The following WDPCP variants were observed in gnomAD, a reference collection of about 807,000 sequenced individuals.
The protein encoded by WDPCP is WD repeat containing planar cell polarity effector.
In WDPCP, 71 loss-of-function variants were observed where a neutral mutation model predicts 93.1. That is an observed-to-expected ratio of 0.76 (90% CI 0.63 to 0.93). WDPCP has a LOEUF of 0.93. WDPCP is among the 40% of genes least tolerant of loss of function. WDPCP has a pLI of 0.00. For missense variants in WDPCP, 844 were observed against 887.4 expected (o/e 0.95, Z 0.62); for synonymous variants, 315 against 315.0 (o/e 1.00, Z 0.00).
chr2:63,456,315 G>A (rs1390576118), intron 6 of WDPCP, among the ~76,000 whole-genome samples: 1 of 152,168 alleles, frequency 6.6e-6, no homozygotes, highest in African/African-American at 2.4e-5. Flanking sequence ...CACTTGGGAG[G>A]CTGAAGTGGG....
At chr2:63,325,905 CT>C (rs1239684508) in intron 12 of WDPCP, among the ~76,000 whole-genome samples, 1 of 152,170 alleles carries the variant, frequency 6.6e-6, no homozygotes, top group Admixed American at 6.5e-5. Context: ...ACGGATAGCT[CT>C]TGGAGTCCTT....
chr2:63,313,886 A>ATATATATATATAT, intron 12 of WDPCP, among the ~76,000 whole-genome samples: 27 of 74,458 alleles, frequency 3.6e-4, no homozygotes, highest in Non-Finnish European at 6.2e-4. Context: ...ATATATATAT[A>ATATATATATATAT]TTTTTTTTTT....
chr2:63,354,159 C>T (rs1447834760), intron 12 of WDPCP, among the ~76,000 whole-genome samples: 1 of 152,144 alleles, frequency 6.6e-6, no homozygotes, highest in Non-Finnish European at 1.5e-5. Context: ...AGAGGCCAGT[C>T]CGTCTCCCAC....
At chr2:63,179,806 T>C (rs907034933) in intron 14 of WDPCP, among the ~76,000 whole-genome samples, 2 of 152,206 alleles carry the variant, frequency 1.3e-5, no homozygotes, top group East Asian at 3.9e-4. Context: ...TTGTGGATTT[T>C]CCAGTTTTCC....
rs550359403 is a variant in WDPCP at position 63,659,118 on chromosome 2, T to C, written n.309-8280A>G. On this transcript the variant is annotated intron_variant and non_coding_transcript_variant, in intron 2 of 4. Coordinates refer to the WDPCP transcript ENST00000467687. ...AATCTAACAAGAGATGGGGTAAATA[T>C]AGCATACAGCATATTATTTAAAAGC... is the stretch of plus-strand genomic sequence containing the variant. Among the ~76,000 whole-genome samples the C allele has an allele frequency of 6.6e-5, 10 of 152,312 alleles. No individual in the cohort carries two copies. In the East Asian group the frequency reaches 1.7e-3, roughly 26 times the overall value.
intron 13 of WDPCP, among the ~76,000 whole-genome samples, chr2:63,268,065 C>G (rs1182985662): frequency 6.6e-6 from 1 of 152,034 alleles, no homozygotes; most frequent in African/African-American, 2.4e-5. Context: ...TATGGAGCAA[C>G]CTAAGTGTCC....
chr2:63,661,694 G>A (rs913785537), intron 2 of WDPCP, among the ~76,000 whole-genome samples: 2 of 152,190 alleles, frequency 1.3e-5, no homozygotes, highest in Admixed American at 6.5e-5. Context: ...CACTGACATT[G>A]TGTTTTGAAG....
intron 14 of WDPCP, among the ~76,000 whole-genome samples, chr2:63,238,335 G>A (rs1307312972): frequency 6.6e-6 from 1 of 152,118 alleles, no homozygotes; most frequent in Non-Finnish European, 1.5e-5. Context: ...ACTACTGCAT[G>A]TGACTACTGA....
chr2:63,791,265 G>A (rs1287707874), intron 2 of WDPCP, among the ~76,000 whole-genome samples: 1 of 152,188 alleles, frequency 6.6e-6, no homozygotes, highest in Non-Finnish European at 1.5e-5. Context: ...GCATAGACTT[G>A]GTGTCTGACA....
intron 2 of WDPCP, among the ~76,000 whole-genome samples, chr2:63,719,338 C>T (rs1010004237): frequency 6.6e-6 from 1 of 152,102 alleles, no homozygotes; most frequent in African/African-American, 2.4e-5. Flanking sequence ...ACAGGGCAAG[C>T]GACAGTAGTG....
chr2:63,598,459 A>G (rs1269982590), intron 3 of WDPCP, among the ~76,000 whole-genome samples: 1 of 152,190 alleles, frequency 6.6e-6, no homozygotes, highest in East Asian at 1.9e-4. Flanking sequence ...ACTATCAATT[A>G]ACTAGAACTT....
chr2:63,349,658 A>G (rs1199324460), intron 12 of WDPCP, among the ~76,000 whole-genome samples: 1 of 152,216 alleles, frequency 6.6e-6, no homozygotes, highest in Non-Finnish European at 1.5e-5. Context: ...CATATAAAAA[A>G]GGTATATAAA....
At chr2:63,452,350 A>C (rs1053364283) in intron 6 of WDPCP, among the ~76,000 whole-genome samples, 55 of 152,220 alleles carry the variant, frequency 3.6e-4, no homozygotes, top group African/African-American at 1.3e-3. Context: ...CAATTGCTTC[A>C]AAGAGAATAA....
intron 1 of WDPCP, among the ~76,000 whole-genome samples, chr2:63,502,475 C>T (rs1312147224): frequency 1.3e-5 from 2 of 152,172 alleles, no homozygotes; most frequent in Non-Finnish European, 2.9e-5. Context: ...TCCTCAACAG[C>T]ATGCAGCATT....
At chr2:63,277,908 G>T (rs1683208334) in intron 13 of WDPCP, among the ~76,000 whole-genome samples, 1 of 152,258 alleles carries the variant, frequency 6.6e-6, no homozygotes, top group South Asian at 2.1e-4. Context: ...GAACTTAACA[G>T]ATATTTACAG....
chr2:63,779,716 T>C (rs866966088), intron 2 of WDPCP, among the ~76,000 whole-genome samples: 1 of 152,142 alleles, frequency 6.6e-6, no homozygotes, highest in Non-Finnish European at 1.5e-5. Context: ...TGCTTTCCAT[T>C]CTTGAGTGCA....
At chr2:63,143,716 A>G (rs1214982662) in intron 17 of WDPCP, among the ~76,000 whole-genome samples, 1 of 152,212 alleles carries the variant, frequency 6.6e-6, no homozygotes, top group African/African-American at 2.4e-5. Flanking sequence ...TTTGCTGGAT[A>G]CTAAATTCTT....
intron 1 of WDPCP, among the ~76,000 whole-genome samples, chr2:63,523,782 A>AT (rs1329795552): frequency 1.4e-5 from 2 of 144,768 alleles, no homozygotes; most frequent in African/African-American, 5.1e-5. Context: ...ATGGTGGCAC[A>AT]TGCCTGTAAT....
chr2:63,770,976 A>C (rs528791607), intron 2 of WDPCP, among the ~76,000 whole-genome samples: 116 of 152,038 alleles, frequency 7.6e-4, no homozygotes, highest in African/African-American at 2.8e-3. Context: ...AAATAACATA[A>C]AATGTTATGC....
Sources: gnomAD v4.1 joint callset for allele counts (sites outside exome capture counted in the v4.1 genomes callset) on GRCh38, gnomAD v4.1.1 for gene constraint, MANE v1.5 for transcripts, NCBI Gene and HGNC (gene_info 2026-07-23, HGNC 2026-07-21) for gene names.